GPHN: variants seen among roughly 807,000 people sequenced by gnomAD.
GPHN encodes the protein gephyrin.
In GPHN, 17 loss-of-function variants were observed where a neutral mutation model predicts 95.5. That is an observed-to-expected ratio of 0.18 (90% confidence interval 0.12 to 0.27). The LOEUF (loss-of-function observed/expected upper bound fraction) is 0.27. Among genes scored for constraint, GPHN ranks in the 10% least tolerant of loss-of-function variants. GPHN has a pLI of 1.00. For synonymous variants in GPHN, 320 were observed against 322.5 expected (o/e 0.99, Z 0.08); for missense variants, 660 against 978.1 (o/e 0.67, Z 4.34).
the GPHN span, among the ~76,000 whole-genome samples, chr14:67,258,430 G>C: frequency 6.6e-6 from 1 of 152,164 alleles, no homozygotes; most frequent in Non-Finnish European, 1.5e-5. Context: ...CAGCTACTTG[G>C]GGGATTGAGG....
At chr14:66,618,637 T>C (rs1202651454) in intron 1 of GPHN, among the ~76,000 whole-genome samples, 1 of 152,202 alleles carries the variant, frequency 6.6e-6, no homozygotes, top group Non-Finnish European at 1.5e-5. Flanking sequence ...TCATTTGGTT[T>C]CAGGATTAGC....
intron 6 of GPHN, 27 bp from the exon 7 acceptor site, chr14:66,922,639 A>ATTTTTTTTTTT: frequency 6.4e-7 from 1 of 1,562,186 alleles, no homozygotes; most frequent in Non-Finnish European, 8.7e-7. Flanking sequence ...CTTCATCTTA[A>ATTTTTTTTTTT]TTTTTTTTTC....
In GPHN at chr14:66,860,565, T is replaced by C. The variant is rs2319548; in HGVS notation, c.295-19374T>C. On this transcript the variant is annotated intron_variant, in intron 4 of 22. Coordinates refer to ENST00000478722, the MANE Select transcript of GPHN (RefSeq NM_020806.5). Reference sequence around the variant, plus strand: ...CATCTGACAGTGCAAAACTCACTGGTAGTAGTAAGCACCCAGAAAAACAGA... The same window carrying C: ...CATCTGACAGTGCAAAACTCACTGGCAGTAGTAAGCACCCAGAAAAACAGA... Among the ~76,000 whole-genome samples the C allele has an allele frequency of 1.3e-3, 196 of 151,948 alleles. 1 individual carries two copies. In the East Asian group the frequency reaches 0.032, roughly 25 times the overall value.
the GPHN span, chr14:67,575,803 T>C: frequency 6.2e-7 from 1 of 1,602,754 alleles, no homozygotes; most frequent in South Asian, 1.1e-5. Context: ...CTCCCATTCA[T>C]GGAAGACTGC....
intron 21 of GPHN, among the ~76,000 whole-genome samples, chr14:67,178,316 A>G (rs1231588841): frequency 6.6e-6 from 1 of 152,154 alleles, no homozygotes; most frequent in Non-Finnish European, 1.5e-5. Context: ...TCCTTCATTT[A>G]TGAAGCTTAG....
the GPHN span, among the ~76,000 whole-genome samples, chr14:67,212,147 T>C: frequency 2.0e-5 from 3 of 152,146 alleles, no homozygotes; most frequent in Admixed American, 6.5e-5. Context: ...GTAAACACAC[T>C]AGGTACATTG....
intron 11 of GPHN, among the ~76,000 whole-genome samples, chr14:67,083,803 T>C (rs915647285): frequency 6.6e-6 from 1 of 152,092 alleles, no homozygotes; most frequent in African/African-American, 2.4e-5. Context: ...GAAACATGAC[T>C]TGGCTAGAGA....
the GPHN span, among the ~76,000 whole-genome samples, chr14:67,219,636 C>T: frequency 6.6e-6 from 1 of 152,130 alleles, no homozygotes; most frequent in Non-Finnish European, 1.5e-5. Flanking sequence ...TTTCATTAGT[C>T]TCACTATTAT....
intron 4 of GPHN, among the ~76,000 whole-genome samples, chr14:66,827,188 G>A (rs2061417460): frequency 6.6e-6 from 1 of 152,096 alleles, no homozygotes. Context: ...GGGTAGCTGA[G>A]GCATGAGAAT....
chr14:66,700,730 C>G (rs2068477573), intron 2 of GPHN, among the ~76,000 whole-genome samples: 1 of 152,056 alleles, frequency 6.6e-6, no homozygotes, highest in African/African-American at 2.4e-5. Flanking sequence ...CGAGACCATC[C>G]TGGCCAACAT....
the GPHN span, chr14:67,652,480 CT>C: frequency 5.6e-6 from 1 of 179,470 alleles, no homozygotes; most frequent in Non-Finnish European, 1.2e-5. Context: ...CTCTACCACC[CT>C]TTAGATGCAC....
chr14:67,628,473 G>T, the GPHN span, among the ~76,000 whole-genome samples: 2 of 152,192 alleles, frequency 1.3e-5, no homozygotes, highest in Non-Finnish European at 1.5e-5. Flanking sequence ...TGCATAGAGG[G>T]AAATCTATAA....
At chr14:66,628,294 A>G (rs1191690000) in intron 1 of GPHN, among the ~76,000 whole-genome samples, 1 of 152,168 alleles carries the variant, frequency 6.6e-6, no homozygotes, top group South Asian at 2.1e-4. Context: ...TACAAACATC[A>G]TGAAATATGC....
At chr14:67,694,080 C>T in the GPHN span, among the ~76,000 whole-genome samples, 3 of 152,190 alleles carry the variant, frequency 2.0e-5, no homozygotes, top group Admixed American at 6.5e-5. Flanking sequence ...TTAAAACAAT[C>T]TGTTGACCAG....
At chr14:67,058,147 T>A (rs1488609011) in intron 10 of GPHN, among the ~76,000 whole-genome samples, 1 of 152,152 alleles carries the variant, frequency 6.6e-6, no homozygotes, top group Non-Finnish European at 1.5e-5. Context: ...AATGAGTAGG[T>A]CAAGACCTCA....
chr14:67,240,806 C>G, the GPHN span, among the ~76,000 whole-genome samples: 3 of 152,242 alleles, frequency 2.0e-5, no homozygotes, highest in Non-Finnish European at 2.9e-5. Context: ...CTAGTCCTTG[C>G]TATCCTTGCT....
At chr14:66,667,071 A>T (rs1460449192) in intron 1 of GPHN, among the ~76,000 whole-genome samples, 1 of 152,242 alleles carries the variant, frequency 6.6e-6, no homozygotes, top group Non-Finnish European at 1.5e-5. Context: ...CTAGGAATAT[A>T]GCTAACAACA....
chr14:67,566,294 TC>T, the GPHN span, among the ~76,000 whole-genome samples: 152,201 of 152,202 alleles, frequency 1, 76,100 homozygotes, highest in Non-Finnish European at 1. Flanking sequence ...AAAGCACTGG[TC>T]CCCCTGGGCT....
chr14:66,768,823 A>G (rs1226486534), intron 2 of GPHN, among the ~76,000 whole-genome samples: 4 of 152,138 alleles, frequency 2.6e-5, no homozygotes, highest in Non-Finnish European at 5.9e-5. Flanking sequence ...CTAAGCATTC[A>G]TGGGGTGAAG....
Sources: gnomAD v4.1 joint callset for allele counts (sites outside exome capture counted in the v4.1 genomes callset) on GRCh38, gnomAD v4.1.1 for gene constraint, MANE v1.5 for transcripts, NCBI Gene and HGNC (gene_info 2026-07-23, HGNC 2026-07-21) for gene names.